Variants in PCSK6 observed in about 807,000 individuals in gnomAD.
PCSK6 encodes the protein proprotein convertase subtilisin/kexin type 6, also known as paired basic amino acid cleaving enzyme 4.
Under a neutral mutation model 123.3 loss-of-function variants are expected in PCSK6, and 85 were observed. The ratio of observed to expected loss-of-function variants is 0.69; its 90% CI spans 0.58 to 0.83. PCSK6 has a LOEUF of 0.83. Ranked by LOEUF, PCSK6 falls within the 40% of genes least tolerant of loss-of-function variation. The pLI, the probability that PCSK6 is intolerant of heterozygous loss-of-function variation, is 0.00. For missense variants in PCSK6, 1,191 were observed against 1,282.3 expected, an observed-to-expected ratio of 0.93 and a Z score of 1.09; for synonymous variants, 508 against 516.0, an observed-to-expected ratio of 0.98 and a Z score of 0.21.
chr15:101,396,022 A>T (rs3784474), intron 7 of PCSK6, among the ~76,000 whole-genome samples: 18,269 of 152,214 alleles, frequency 0.12, 1,498 homozygotes, highest in East Asian at 0.38. Flanking sequence ...ATAGGGCCAC[A>T]AGGAGGAAAA....
intron 6 of PCSK6, among the ~76,000 whole-genome samples, chr15:101,412,581 T>C (rs2141624655): frequency 6.6e-6 from 1 of 150,804 alleles, no homozygotes; most frequent in South Asian, 2.1e-4. Flanking sequence ...ATACACGATA[T>C]AAAGAGGAAC....
intron 13 of PCSK6, among the ~76,000 whole-genome samples, chr15:101,351,533 C>T (rs903406260): frequency 3.9e-5 from 6 of 152,018 alleles, no homozygotes; most frequent in Non-Finnish European, 8.8e-5. Context: ...AACCAGAATT[C>T]GGCAAAAATC....
chr15:101,380,964 T>C lies in PCSK6; in HGVS notation c.1532+1128A>G, dbSNP rs186063085. On this transcript the variant is annotated intron_variant, in intron 11 of 21. Transcript: ENST00000611716. The stretch of plus-strand genomic sequence containing the variant: ...AAGGCCCAGAGAAACACCGTTCTCC[T>C]TAAAAACAGCTGCGATGGCAGAATT... Among the ~76,000 whole-genome samples, 250 of 152,282 alleles carry C rather than the reference T, an allele frequency of 1.6e-3. 1 individual carries two copies. The highest frequency in any genetic ancestry group is 5.5e-3 in the African/African-American group (229 of 41,574).
chr15:101,484,901 T>TA (rs1319362121), intron 1 of PCSK6, among the ~76,000 whole-genome samples: 1 of 152,084 alleles, frequency 6.6e-6, no homozygotes, highest in African/African-American at 2.4e-5. Context: ...TTCCTTCATT[T>TA]AAAAAAACGC....
intron 1 of PCSK6, among the ~76,000 whole-genome samples, chr15:101,470,941 G>A (rs1036541970): frequency 5.9e-5 from 9 of 152,298 alleles, no homozygotes; most frequent in African/African-American, 1.7e-4. Context: ...GAAACACTGC[G>A]GAGCAAGACC....
In PCSK6 at chr15:101,409,072, T is replaced by G. The variant is rs9672469; in HGVS notation, c.824-10496A>C. Among the ~76,000 whole-genome samples the G allele has an allele frequency of 1.3e-4, 19 of 151,996 alleles. 1 individual carries two copies. The highest frequency in any genetic ancestry group is 1.0e-3 in the Admixed American group (16 of 15,270). ...CTGTTTGTCAGGTGGGAGGGCTCCCTGCGGTCTCCAGCTGCCCTTGCTGCA... is the reference window on the plus strand; with the variant it reads ...CTGTTTGTCAGGTGGGAGGGCTCCCGGCGGTCTCCAGCTGCCCTTGCTGCA... On this transcript the variant is annotated intron_variant, in intron 6 of 21. Coordinates refer to ENST00000611716, the MANE Select transcript of PCSK6 (RefSeq NM_002570.5).
chr15:101,461,288 T>C (rs985141723), intron 1 of PCSK6, among the ~76,000 whole-genome samples: 1 of 152,138 alleles, frequency 6.6e-6, no homozygotes, highest in African/African-American at 2.4e-5. Context: ...TCCTAGAAAA[T>C]TGTAATTTAT....
intron 21 of PCSK6, among the ~76,000 whole-genome samples, chr15:101,306,854 A>AC (rs1327509741): frequency 6.6e-6 from 1 of 151,290 alleles, no homozygotes; most frequent in Non-Finnish European, 1.5e-5. Context: ...CCTGGCTTTG[A>AC]CCCCCCAGGT....
intron 2 of PCSK6, among the ~76,000 whole-genome samples, chr15:101,432,980 C>T (rs2056494336): frequency 6.6e-6 from 1 of 152,174 alleles, no homozygotes; most frequent in Admixed American, 6.5e-5. Flanking sequence ...GACATTATTG[C>T]TAATTTAAAA....
At chr15:101,446,347 A>T (rs979896034) in intron 1 of PCSK6, among the ~76,000 whole-genome samples, 1 of 152,240 alleles carries the variant, frequency 6.6e-6, no homozygotes, top group Non-Finnish European at 1.5e-5. Context: ...TTTAAGGCTG[A>T]CTAATCTTCC....
At chr15:101,433,835 G>C (rs111735100) in intron 2 of PCSK6, among the ~76,000 whole-genome samples, 4,749 of 152,328 alleles carry the variant, frequency 0.031, 113 homozygotes, top group South Asian at 0.05. Flanking sequence ...TTTAGGGCTG[G>C]GGATGGCCTC....
intron 18 of PCSK6, among the ~76,000 whole-genome samples, chr15:101,321,776 C>G (rs1224329223): frequency 1.3e-5 from 2 of 152,242 alleles, no homozygotes; most frequent in Non-Finnish European, 2.9e-5. Context: ...CTGCCCAGAC[C>G]TGCTGCATCA....
intron 6 of PCSK6, among the ~76,000 whole-genome samples, chr15:101,423,070 C>T (rs1490738654): frequency 1.3e-4 from 20 of 152,074 alleles, no homozygotes. Context: ...TCATTATAAA[C>T]ATACTCCTAA....
intron 20 of PCSK6, among the ~76,000 whole-genome samples, chr15:101,311,344 C>T (rs1376769956): frequency 7.5e-6 from 1 of 133,620 alleles, no homozygotes; most frequent in East Asian, 2.2e-4. Context: ...CCAGGCTGGT[C>T]TTGAACTCCT....
rs1050892202 is a variant in PCSK6 at position 101,304,300 on chromosome 15, C to G, written c.*958G>C. The G allele has an allele frequency of 1.3e-5, 2 of 152,544 alleles. No homozygotes were observed. Among genetic ancestry groups the G allele is most frequent in the African/African-American group, 4.8e-5 (2 of 41,448 alleles). The allele number at this position is 152,544 out of a possible 1,614,324, so 9.4% of individuals were successfully genotyped here. On this transcript the variant is annotated 3_prime_UTR_variant, in exon 22 of 22. Coordinates refer to ENST00000611716, the MANE Select transcript of PCSK6 (RefSeq NM_002570.5). ...CTGTGTCATGTAGGCTTGTAATATA[C>G]ACAGACACAGGAGTTTCCACCTTAA...
chr15:101,308,052 G>A (rs1421418746), intron 20 of PCSK6: 1 of 152,318 alleles, frequency 6.6e-6, no homozygotes, highest in African/African-American at 2.4e-5. Context: ...GAGTAGCTGT[G>A]ACAGAGGCAG....
At chr15:101,404,175 CA>C (rs2042699851) in intron 6 of PCSK6, among the ~76,000 whole-genome samples, 1 of 152,148 alleles carries the variant, frequency 6.6e-6, no homozygotes, top group Admixed American at 6.5e-5. Flanking sequence ...TTTAATAGAG[CA>C]AGAGCTCACC....
intron 1 of PCSK6, among the ~76,000 whole-genome samples, chr15:101,459,325 C>T (rs577038786): frequency 6.6e-6 from 1 of 152,222 alleles, no homozygotes; most frequent in South Asian, 2.1e-4. Context: ...CCTTTTACTT[C>T]CTAGAAACAT....
chr15:101,331,988 C>G lies in PCSK6; in HGVS notation c.1902G>C (p.Glu634Asp), dbSNP rs1268933976. Reference sequence around the variant, plus strand: ...GGGCACTGAAGGTGTGGTACGGGTGCTCTGCTGTGCCATACAGTATGAGGC... The same window carrying G: ...GGGCACTGAAGGTGTGGTACGGGTGGTCTGCTGTGCCATACAGTATGAGGC... ...EWSLILYGTA[E>D]HPYHTFSAHQ... is the part of the protein sequence containing the mutation. The change falls in exon 14 of 22, where the codon GAG (glutamate) becomes GAC (aspartate). Residue 634 changes from glutamate (E) to aspartate (D), a missense_variant. Physicochemically the swap from Glu to Asp is conservative, Grantham distance 45 (BLOSUM62 2). Transcript: ENST00000611716. The G allele has an allele frequency of 1.2e-6, 2 of 1,613,438 alleles. No individual in the cohort carries two copies. Among genetic ancestry groups the G allele is most frequent in the African/African-American group, 2.7e-5 (2 of 75,006 alleles).
Sources: allele counts gnomAD v4.1 joint callset (sites outside exome capture counted in the v4.1 genomes callset), GRCh38; gene constraint gnomAD v4.1.1; transcripts MANE v1.5; gene names NCBI Gene and HGNC (gene_info 2026-07-23, HGNC 2026-07-21).